Variants in ZNF33A observed in about 807,000 individuals in gnomAD.
ZNF33A encodes the protein brain my041 protein.
ZNF33A carries 9 observed loss-of-function variants against 15.9 expected under a neutral mutation model. The observed-to-expected ratio is 0.57, with a 90% confidence interval of 0.34 to 0.99. The LOEUF (loss-of-function observed/expected upper bound fraction) is 0.99, where lower values mean the gene tolerates loss of function less well. ZNF33A is among the 50% of genes least tolerant of loss of function. The probability of loss-of-function intolerance (pLI) is 0.02; values close to 1 mark genes in which losing one functional copy is unlikely to be tolerated. For synonymous variants in ZNF33A, 294 were observed against 324.2 expected (o/e 0.91, Z 1.00); for missense variants, 843 against 941.6 (o/e 0.90, Z 1.37).
chr10:38,043,726 T>C (rs2065818797), intron 4 of ZNF33A: 2 of 152,174 alleles, frequency 1.3e-5, no homozygotes, highest in Non-Finnish European at 1.5e-5. Context: ...CCTGCCTCCT[T>C]CTGGCCTCTA....
chr10:38,010,532 C>T (rs1370559886), upstream of ZNF33A: 8 of 694,938 alleles, frequency 1.2e-5, no homozygotes, highest in East Asian at 2.1e-4. Context: ...CGCATCTGCC[C>T]ACTGCCTAGC....
chr10:38,010,942 G>A (rs1168967663), intron 1 of ZNF33A, among the ~76,000 whole-genome samples, 159 bp downstream of exon 1: 1 of 152,196 alleles, frequency 6.6e-6, no homozygotes, highest in African/African-American at 2.4e-5. Flanking sequence ...ACGACGCTAG[G>A]CCGGTTCCTC....
intron 2 of ZNF33A, among the ~76,000 whole-genome samples, chr10:38,015,312 A>AT (rs538402704): frequency 1.1e-4 from 16 of 148,812 alleles, no homozygotes; most frequent in East Asian, 2.0e-4. Context: ...ATTATGCTTC[A>AT]TTTTTTTTTG....
At chr10:38,035,595 C>T (rs1444360601) in intron 4 of ZNF33A, among the ~76,000 whole-genome samples, 3 of 152,206 alleles carry the variant, frequency 2.0e-5, no homozygotes, top group East Asian at 3.9e-4. Flanking sequence ...AAGGTCAGGA[C>T]TTCCTCCTGT....
intron 4 of ZNF33A, among the ~76,000 whole-genome samples, chr10:38,026,672 A>G (rs2065005115): frequency 6.6e-6 from 1 of 152,232 alleles, no homozygotes; most frequent in African/African-American, 2.4e-5. Context: ...TTTATGTCAT[A>G]GGTAAGAATC....
chr10:38,014,569 T>C (rs1249881162), intron 2 of ZNF33A, among the ~76,000 whole-genome samples: 1 of 152,232 alleles, frequency 6.6e-6, no homozygotes, highest in Non-Finnish European at 1.5e-5. Flanking sequence ...CCTTTTTTCA[T>C]GTGGTTAATG....
At chr10:38,032,122 TA>T (rs961082803) in intron 4 of ZNF33A, among the ~76,000 whole-genome samples, 15 of 150,356 alleles carry the variant, frequency 1.0e-4, no homozygotes, top group Non-Finnish European at 1.8e-4. Context: ...ACACAGACAA[TA>T]AAAAAAAATA....
At chr10:38,051,569 G>T (rs969627330) in intron 4 of ZNF33A, among the ~76,000 whole-genome samples, 1 of 152,086 alleles carries the variant, frequency 6.6e-6, no homozygotes, top group Admixed American at 6.5e-5. Flanking sequence ...AAGAGGGCCA[G>T]AAAATCTTAT....
In ZNF33A at chr10:38,055,510, T is replaced by C. The variant is rs1273379170; in HGVS notation, c.1386T>C (p.Thr462=). ...VTSHLKVHQR[T]HTGEKPFECL... ...CGCACCTTAAAGTACACCAGAGAAC[T>C]CACACAGGTGAGAAACCTTTTGAAT... The change falls in exon 5 of 5, where the codon ACT becomes ACC. Residue 462 remains threonine, a synonymous_variant. Coordinates refer to ENST00000432900, the MANE Select transcript of ZNF33A (RefSeq NM_006954.2). The C allele has an allele frequency of 1.2e-6, 2 of 1,612,768 alleles. No homozygotes were observed. The highest frequency in any genetic ancestry group is 1.1e-5 in the South Asian group (1 of 91,016).
rs750579383 is a variant in ZNF33A at position 38,054,806 on chromosome 10, C to T, written c.682C>T (p.Leu228Phe). ...NFEYSICQETLLEKAVFNTQK... is the reference protein window; with the variant it reads ...NFEYSICQETFLEKAVFNTQK... ...TGAATACAGTATATGTCAGGAAACC[C>T]TCCTTGAAAAGGCAGTATTCAATAC... The change falls in exon 5 of 5, where the codon CTC becomes TTC. Residue 228 changes from leucine (L) to phenylalanine (F), a missense_variant. By Grantham distance (22) the Leu-to-Phe change is conservative. Transcript: ENST00000432900. The T allele has an allele frequency of 1.1e-5, 18 of 1,613,500 alleles. No individual in the cohort carries two copies. Among genetic ancestry groups the T allele is most frequent in the Non-Finnish European group, 1.4e-5 (17 of 1,179,948 alleles).
intron 4 of ZNF33A, among the ~76,000 whole-genome samples, chr10:38,037,211 C>T (rs1281726285): frequency 6.6e-6 from 1 of 152,052 alleles, no homozygotes; most frequent in East Asian, 1.9e-4. Context: ...TAAATGTAGA[C>T]CTGTGATCCA....
chr10:38,054,279 C>G (rs1590699143), intron 4 of ZNF33A, 96 bp from the exon 5 acceptor site: 3 of 1,310,476 alleles, frequency 2.3e-6, no homozygotes, highest in Admixed American at 3.0e-5. Context: ...GGCCAAAAAA[C>G]CAGTCAGCTG....
At chr10:38,041,922 G>A (rs1396437346) in intron 4 of ZNF33A, among the ~76,000 whole-genome samples, 1 of 151,992 alleles carries the variant, frequency 6.6e-6, no homozygotes, top group East Asian at 1.9e-4. Context: ...ATAGGTATAT[G>A]TGTTCCATGG....
intron 4 of ZNF33A, chr10:38,039,434 C>T (rs1182724368): frequency 1.8e-5 from 8 of 454,052 alleles, no homozygotes; most frequent in South Asian, 1.2e-4. Flanking sequence ...CACCATGTTC[C>T]TGGGCTGGTC....
chr10:38,027,959 G>A (rs2065052230), intron 4 of ZNF33A, among the ~76,000 whole-genome samples: 1 of 151,868 alleles, frequency 6.6e-6, no homozygotes, highest in South Asian at 2.1e-4. Context: ...AGTTTGTTTT[G>A]GACAATGTGT....
chr10:38,018,373 T>G (rs989112110), intron 4 of ZNF33A, among the ~76,000 whole-genome samples: 1 of 152,024 alleles, frequency 6.6e-6, no homozygotes, highest in East Asian at 1.9e-4. Context: ...GGCAGGAATG[T>G]GGTTGGTGGG....
At chr10:38,032,232 TAAA>T (rs1042384184) in intron 4 of ZNF33A, among the ~76,000 whole-genome samples, 29 of 152,240 alleles carry the variant, frequency 1.9e-4, no homozygotes, top group African/African-American at 5.1e-4. Context: ...TTCAAATTAC[TAAA>T]AAAAGTTAGT....
intron 4 of ZNF33A, among the ~76,000 whole-genome samples, chr10:38,040,038 A>G (rs1298538070): frequency 3.3e-5 from 5 of 151,950 alleles, no homozygotes; most frequent in Non-Finnish European, 7.4e-5. Flanking sequence ...TCTGTGTTCC[A>G]TAAGTTTGAG....
In ZNF33A at chr10:38,021,474, C is replaced by T. The variant is rs191653554; in HGVS notation, c.250+4088C>T. 1.4e-4 allele frequency among the ~76,000 whole-genome samples: 21 copies of T among 151,758 alleles called. No individual in the cohort carries two copies. The East Asian group carries it at 2.3e-3, about 17-fold the overall frequency. On this transcript the variant is annotated intron_variant, in intron 4 of 4. Coordinates refer to ENST00000432900, the MANE Select transcript of ZNF33A (RefSeq NM_006954.2). Reference sequence around the variant, plus strand: ...TGGATAACATGGTGAAACCCTGTCTCTACTAAAAATACAAAAATTAGCCAG... The same window carrying T: ...TGGATAACATGGTGAAACCCTGTCTTTACTAAAAATACAAAAATTAGCCAG...
Sources: allele counts gnomAD v4.1 joint callset (sites outside exome capture counted in the v4.1 genomes callset), GRCh38; gene constraint gnomAD v4.1.1; transcripts MANE v1.5; gene names NCBI Gene and HGNC (gene_info 2026-07-23, HGNC 2026-07-21).